The following IQCM variants were observed in gnomAD, a reference collection of about 807,000 sequenced individuals.
IQCM encodes the protein IQ motif containing M, also known as IQ domain-containing protein M.
Under a neutral mutation model 57.6 loss-of-function variants are expected in IQCM, and 45 were observed. The ratio of observed to expected loss-of-function variants is 0.78; its 90% CI spans 0.62 to 1.00. The LOEUF (loss-of-function observed/expected upper bound fraction) is 1.00, where lower values mean the gene tolerates loss of function less well. Ranked by LOEUF, IQCM falls within the 50% of genes least tolerant of loss-of-function variation. The pLI, the probability that IQCM is intolerant of heterozygous loss-of-function variation, is 0.00. For synonymous variants in IQCM, 148 were observed against 158.9 expected, an observed-to-expected ratio of 0.93 and a Z score of 0.51; for missense variants, 468 against 511.6, an observed-to-expected ratio of 0.91 and a Z score of 0.82.
At chr4:149,636,055 T>C (rs1002083700) in intron 7 of IQCM, among the ~76,000 whole-genome samples, 3 of 152,122 alleles carry the variant, frequency 2.0e-5, no homozygotes, top group Admixed American at 1.3e-4. Context: ...ACATAGAATG[T>C]CATAAAAAAA....
intron 2 of IQCM, among the ~76,000 whole-genome samples, chr4:149,783,621 C>T (rs924951816): frequency 6.6e-6 from 1 of 152,168 alleles, no homozygotes; most frequent in African/African-American, 2.4e-5. Context: ...ATGTAATCTC[C>T]TCCCTTTGAG....
intron 13 of IQCM, among the ~76,000 whole-genome samples, chr4:149,377,165 A>T (rs72724057): frequency 0.031 from 4,778 of 152,282 alleles, 112 homozygotes; most frequent in Non-Finnish European, 0.048. Context: ...TATTTTTAAT[A>T]TATTTTGAAA....
chr4:149,432,178 ATG>A (rs1166330519), intron 13 of IQCM, among the ~76,000 whole-genome samples: 1 of 151,846 alleles, frequency 6.6e-6, no homozygotes, highest in Non-Finnish European at 1.5e-5. Flanking sequence ...TCCACCAGTA[ATG>A]TGTGAGTGTT....
chr4:149,745,457 T>C (rs1767838955), intron 2 of IQCM, among the ~76,000 whole-genome samples: 1 of 152,170 alleles, frequency 6.6e-6, no homozygotes, highest in African/African-American at 2.4e-5. Context: ...AACAGCATAC[T>C]GGACAAGGAT....
chr4:149,728,970 C>A (rs868383840), intron 5 of IQCM, among the ~76,000 whole-genome samples: 1 of 152,192 alleles, frequency 6.6e-6, no homozygotes, highest in Non-Finnish European at 1.5e-5. Context: ...CAGAAGATAT[C>A]TCCATCTTCC....
At chr4:149,599,659 C>G (rs1754091043) in intron 8 of IQCM, among the ~76,000 whole-genome samples, 1 of 151,980 alleles carries the variant, frequency 6.6e-6, no homozygotes, top group Non-Finnish European at 1.5e-5. Flanking sequence ...GCATATCACC[C>G]TGTGGTAATA....
At chr4:149,721,562 A>G (rs1765451619) in intron 5 of IQCM, among the ~76,000 whole-genome samples, 1 of 151,974 alleles carries the variant, frequency 6.6e-6, no homozygotes, top group Non-Finnish European at 1.5e-5. Context: ...TCTATTCCTG[A>G]GTTACTTCAC....
intron 12 of IQCM, among the ~76,000 whole-genome samples, chr4:149,530,722 A>G (rs1449284058): frequency 6.6e-6 from 1 of 151,952 alleles, no homozygotes; most frequent in Non-Finnish European, 1.5e-5. Flanking sequence ...AGAAAAGGCT[A>G]ACACCTTATC....
At chr4:149,729,354 G>T (rs1766245367) in intron 5 of IQCM, among the ~76,000 whole-genome samples, 1 of 152,010 alleles carries the variant, frequency 6.6e-6, no homozygotes, top group African/African-American at 2.4e-5. Context: ...AAGGTTTATG[G>T]TTTCTCTGGA....
At chr4:149,762,011 C>CAA (rs144548315) in intron 2 of IQCM, among the ~76,000 whole-genome samples, 1 of 151,686 alleles carries the variant, frequency 6.6e-6, no homozygotes, top group African/African-American at 2.4e-5. Flanking sequence ...AAGTATCCTC[C>CAA]AAAAAAATCA....
At chr4:149,695,098 A>G (rs1763241993) in intron 5 of IQCM, among the ~76,000 whole-genome samples, 1 of 152,172 alleles carries the variant, frequency 6.6e-6, no homozygotes, top group Admixed American at 6.5e-5. Flanking sequence ...ATAATTTTCT[A>G]CTGTTGGAAT....
At chr4:149,693,317 A>G (rs1031810850) in intron 5 of IQCM, among the ~76,000 whole-genome samples, 1 of 152,126 alleles carries the variant, frequency 6.6e-6, no homozygotes, top group Non-Finnish European at 1.5e-5. Flanking sequence ...TAGCACTTCA[A>G]TGTGCACAAA....
chr4:149,463,223 A>G (rs1738493871), intron 12 of IQCM, among the ~76,000 whole-genome samples: 1 of 152,210 alleles, frequency 6.6e-6, no homozygotes, highest in Admixed American at 6.5e-5. Context: ...AATGATGATC[A>G]AACAGAGCAC....
chr4:149,361,603 A>G (rs547864136), intron 13 of IQCM, among the ~76,000 whole-genome samples: 24 of 152,334 alleles, frequency 1.6e-4, no homozygotes, highest in African/African-American at 5.3e-4. Context: ...GCAAGCCCCA[A>G]GCTGTGGCAA....
chr4:149,544,973 G>A (rs1023706509), intron 12 of IQCM, among the ~76,000 whole-genome samples: 10 of 152,086 alleles, frequency 6.6e-5, no homozygotes, highest in Admixed American at 6.6e-4. Context: ...ACACTGTGAA[G>A]GCAATCTTGG....
At chr4:149,723,550 GGTTTTT>G (rs1765629677) in intron 5 of IQCM, among the ~76,000 whole-genome samples, 4 of 151,920 alleles carry the variant, frequency 2.6e-5, no homozygotes, top group Admixed American at 1.3e-4. Flanking sequence ...ATAATCATAT[GGTTTTT>G]GTTTTTAAGT....
chr4:149,748,763 G>A (rs1179058804), intron 2 of IQCM: 3 of 152,118 alleles, frequency 2.0e-5, no homozygotes, highest in Non-Finnish European at 4.4e-5. Context: ...TAACTTGGGG[G>A]TAAAAAGGAA....
chr4:149,437,238 A>T (rs1373623695), intron 12 of IQCM, among the ~76,000 whole-genome samples: 1 of 152,010 alleles, frequency 6.6e-6, no homozygotes, highest in Non-Finnish European at 1.5e-5. Context: ...CACCCTTCCA[A>T]TCTTTTTAAA....
chr4:149,426,555 G>A (rs375935591), intron 13 of IQCM, among the ~76,000 whole-genome samples: 1 of 152,094 alleles, frequency 6.6e-6, no homozygotes, highest in Admixed American at 6.6e-5. Context: ...GGGCTATCAT[G>A]AGACTGCCTT....
Sources: allele counts gnomAD v4.1 joint callset (sites outside exome capture counted in the v4.1 genomes callset), GRCh38; gene constraint gnomAD v4.1.1; transcripts MANE v1.5; gene names NCBI Gene and HGNC (gene_info 2026-07-23, HGNC 2026-07-21).